SP140L: variants seen among roughly 807,000 people sequenced by gnomAD.
SP140L encodes the protein nuclear body protein SP140-like protein.
A neutral mutation model predicts 84.3 loss-of-function variants in SP140L; 64 were observed. The ratio of observed to expected loss-of-function variants is 0.76; its 90% CI spans 0.62 to 0.94. The LOEUF (loss-of-function observed/expected upper bound fraction) is 0.94, where lower values mean the gene tolerates loss of function less well. SP140L is among the 40% of genes least tolerant of loss of function. SP140L has a pLI of 0.00. For synonymous variants in SP140L, 242 were observed against 236.9 expected, an observed-to-expected ratio of 1.02 and a Z score of -0.20; for missense variants, 628 against 692.5, an observed-to-expected ratio of 0.91 and a Z score of 1.05.
chr2:230,400,522 G>A, intron 15 of SP140L: 1 of 483,538 alleles, frequency 2.1e-6, no homozygotes, highest in Non-Finnish European at 3.7e-6. Flanking sequence ...TTTTGCAGTA[G>A]GGTCTCCTGT....
chr2:230,398,834 G>A (rs1017449523), intron 14 of SP140L, among the ~76,000 whole-genome samples: 1 of 152,260 alleles, frequency 6.6e-6, no homozygotes, highest in Non-Finnish European at 1.5e-5. Flanking sequence ...TGGAGGGTGG[G>A]CTGTCCCCGG....
At chr2:230,381,721 C>CT (rs2061413653) in intron 7 of SP140L, among the ~76,000 whole-genome samples, 1 of 51,774 alleles carries the variant, frequency 1.9e-5, no homozygotes, top group Non-Finnish European at 5.0e-5. Flanking sequence ...TACACACACA[C>CT]ACACACACAC....
At chr2:230,402,509 G>A (rs1386126464) in intron 18 of SP140L, among the ~76,000 whole-genome samples, 4 of 152,292 alleles carry the variant, frequency 2.6e-5, no homozygotes, top group South Asian at 4.1e-4. Flanking sequence ...CTTAATAATA[G>A]TGTATTTCAC....
chr2:230,385,116 G>C, intron 8 of SP140L, 108 bp from the exon 9 acceptor site: 3 of 1,034,324 alleles, frequency 2.9e-6, no homozygotes, highest in Non-Finnish European at 4.3e-6. Flanking sequence ...ACACCTGCTC[G>C]AGGGGATCCA....
chr2:230,334,902 C>T (rs1358108795), intron 2 of SP140L, among the ~76,000 whole-genome samples: 1 of 151,966 alleles, frequency 6.6e-6, no homozygotes, highest in Non-Finnish European at 1.5e-5. Flanking sequence ...TCATGCTGAC[C>T]TTTGAGGCAG....
Position 230,374,702 on chromosome 2 carries a change from G to A in SP140L, c.637+3051G>A, listed in dbSNP as rs1335057433. The stretch of plus-strand genomic sequence containing the variant: ...TCAGTCAGCAGCCATCCACACCCAG[G>A]CAAGACCCTTTACCAGCAAAGAAAT... On this transcript the variant is annotated intron_variant, in intron 7 of 18. Coordinates refer to ENST00000415673, the MANE Select transcript of SP140L (RefSeq NM_138402.6). Among the ~76,000 whole-genome samples, 3 of 152,070 alleles carry A rather than the reference G, an allele frequency of 2.0e-5. No homozygotes were observed. The South Asian group carries it at 6.2e-4, about 32-fold the overall frequency.
In SP140L at chr2:230,329,628, T is replaced by A. The variant is rs118046661; in HGVS notation, c.107+797T>A. On this transcript the variant is annotated intron_variant, in intron 2 of 18. Transcript: ENST00000415673. Reference sequence around the variant, plus strand: ...GTTTTGTAAATGATAGCTTCCCTTGTGCTCTCTCTCTTGCCATCTTGTGAA... The same window carrying A: ...GTTTTGTAAATGATAGCTTCCCTTGAGCTCTCTCTCTTGCCATCTTGTGAA... Among the ~76,000 whole-genome samples the A allele has an allele frequency of 3.0e-3, 459 of 152,300 alleles. 7 individuals are homozygous for A. In the East Asian group the frequency reaches 0.065, roughly 22 times the overall value.
intron 1 of SP140L, 69 bp from the exon 2 acceptor site, chr2:230,328,688 A>G (rs1003095670): frequency 1.3e-6 from 2 of 1,568,144 alleles, no homozygotes; most frequent in Non-Finnish European, 8.7e-7. Context: ...AACCTTAAAA[A>G]GTGGAATTGT....
At chr2:230,381,737 C>T (rs62192207) in intron 7 of SP140L, among the ~76,000 whole-genome samples, 38,571 of 150,152 alleles carry the variant, frequency 0.26, 5,154 homozygotes, top group Non-Finnish European at 0.28. Context: ...CACACACACA[C>T]ACACACACAC....
chr2:230,361,190 G>T (rs150990788), intron 4 of SP140L, among the ~76,000 whole-genome samples: 14 of 152,206 alleles, frequency 9.2e-5, no homozygotes, highest in African/African-American at 3.1e-4. Flanking sequence ...AGGTTCAGGA[G>T]ATGCTCCTGC....
At chr2:230,400,559 C>T (rs2062280058) in intron 15 of SP140L, 2 of 468,726 alleles carry the variant, frequency 4.3e-6, no homozygotes, top group Admixed American at 6.8e-5. Flanking sequence ...AAAAAAACAC[C>T]AGTTGTTTAT....
chr2:230,356,089 A>G (rs748882233), intron 2 of SP140L, among the ~76,000 whole-genome samples: 1 of 152,198 alleles, frequency 6.6e-6, no homozygotes, highest in Non-Finnish European at 1.5e-5. Flanking sequence ...TTTCCTGATT[A>G]AAGAAATACA....
chr2:230,400,225 A>C lies in SP140L; in HGVS notation c.1296A>C (p.Pro432=). The change falls in exon 15 of 19, where the codon CCA becomes CCC. Residue 432 remains proline, a synonymous_variant. Coordinates refer to ENST00000415673, the MANE Select transcript of SP140L (RefSeq NM_138402.6). ...SRVFHEDCHI[P]PVESEKTPWN... ...TCTTCCATGAGGACTGCCACATCCC[A>C]CCTGTGGAAAGTGAGAAGTAAGTGA... 6.2e-7 allele frequency: 1 copy of C among 1,614,128 alleles called. No homozygotes were observed. Among genetic ancestry groups the C allele is most frequent in the South Asian group, 1.1e-5 (1 of 91,082 alleles).
chr2:230,364,190 A>C (rs2060802199), intron 5 of SP140L, among the ~76,000 whole-genome samples: 1 of 152,096 alleles, frequency 6.6e-6, no homozygotes, highest in South Asian at 2.1e-4. Context: ...TTTCTATTTC[A>C]GAAAAAAATG....
intron 2 of SP140L, among the ~76,000 whole-genome samples, chr2:230,339,918 ATG>A (rs2059989152): frequency 6.6e-6 from 1 of 150,566 alleles, no homozygotes; most frequent in South Asian, 2.1e-4. Context: ...ACTTCCCAGT[ATG>A]TGGTCAATTT....
At chr2:230,358,116 G>A in intron 3 of SP140L, 149 bp downstream of exon 3, 4 of 895,238 alleles carry the variant, frequency 4.5e-6, no homozygotes, top group Non-Finnish European at 6.8e-6. Flanking sequence ...GTGTTCCATG[G>A]CACCCTCTGG....
chr2:230,328,757 G>C lies in SP140L; in HGVS notation c.33G>C (p.Arg11Ser). 1 of 1,611,400 alleles carries C rather than the reference G, an allele frequency of 6.2e-7. No homozygotes were observed. The highest frequency in any genetic ancestry group is 1.3e-5 in the African/African-American group (1 of 74,976). Residue 11 changes from arginine to serine, a missense_variant and splice_region_variant, in exon 2 of 19, where the codon AGG becomes AGC. Around this residue, in one of 4 missense-constraint regions of SP140L, gnomAD observed 525 missense variants for 518.4 expected, o/e 1.01. Transcript: ENST00000415673. ...AGATCCTGCCAAATTGTCTTTTTAG[G>C]GGGCTGAACGGAGGTGTTTCACAAG... MAGGGSDLST[R>S]GLNGGVSQVA...
At chr2:230,347,595 G>A (rs944512184) in intron 2 of SP140L, among the ~76,000 whole-genome samples, 5 of 152,142 alleles carry the variant, frequency 3.3e-5, no homozygotes, top group African/African-American at 1.2e-4. Flanking sequence ...GGCTGGGCAG[G>A]GTTACTATTT....
intron 5 of SP140L, among the ~76,000 whole-genome samples, chr2:230,369,070 G>A (rs1167588118): frequency 6.6e-6 from 1 of 152,212 alleles, no homozygotes; most frequent in African/African-American, 2.4e-5. Flanking sequence ...AAGGAAGTAA[G>A]GACTTATTTC....
Sources: allele counts gnomAD v4.1 joint callset (sites outside exome capture counted in the v4.1 genomes callset), GRCh38; gene constraint gnomAD v4.1.1; regional missense constraint gnomAD v4.1.1; transcripts MANE v1.5; gene names NCBI Gene and HGNC (gene_info 2026-07-23, HGNC 2026-07-21).